GTF2H5: variants seen among roughly 807,000 people sequenced by gnomAD.
GTF2H5 encodes TFB5 ortholog.
In GTF2H5, 5 loss-of-function variants were observed where a neutral mutation model predicts 7.1. The observed-to-expected ratio is 0.71, with a 90% CI of 0.37 to 1.49. The LOEUF is 1.49. Among genes scored for constraint, GTF2H5 ranks in the 40% most tolerant of loss-of-function variants. The probability of loss-of-function intolerance (pLI) is 0.03; values close to 1 mark genes in which losing one functional copy is unlikely to be tolerated. For synonymous variants in GTF2H5, 30 were observed against 31.7 expected (o/e 0.95, Z 0.18); for missense variants, 80 against 83.0 (o/e 0.96, Z 0.14).
In GTF2H5 at chr6:158,198,083, C is replaced by T. The variant is rs570309869; in HGVS notation, c.*5926C>T. Reference sequence around the variant, plus strand: ...GTTATGAAACTGAGTTACCTTGAATCTAGAAGAGTACAATGATAAAGGGGA... The same window carrying T: ...GTTATGAAACTGAGTTACCTTGAATTTAGAAGAGTACAATGATAAAGGGGA... On this transcript the variant is annotated 3_prime_UTR_variant, in exon 3 of 3. Transcript: ENST00000607778. 7.0e-4 allele frequency: 106 copies of T among 152,292 alleles called. No individual in the cohort carries two copies. The highest frequency in any genetic ancestry group is 2.4e-3 in the African/African-American group (101 of 41,554). 9.4% of individuals were successfully genotyped at this position (152,292 alleles called of 1,614,324 possible).
chr6:158,174,324 A>G (rs1224821433), intron 2 of GTF2H5, among the ~76,000 whole-genome samples: 1 of 152,074 alleles, frequency 6.6e-6, no homozygotes, highest in African/African-American at 2.4e-5. Flanking sequence ...TTTAAACTCC[A>G]TTTCTATCAG....
rs748586546 is a variant in GTF2H5 at position 158,170,464 on chromosome 6, T to TA, written c.-34-5dup. 1 of 1,542,542 alleles carries TA rather than the reference T, an allele frequency of 6.5e-7. No homozygotes were observed. The highest frequency in any genetic ancestry group is 9.0e-7 in the Non-Finnish European group (1 of 1,114,754). On this transcript the variant is annotated splice_polypyrimidine_tract_variant and splice_region_variant and intron_variant, in intron 1 of 2. Coordinates refer to ENST00000607778, the MANE Select transcript of GTF2H5 (RefSeq NM_207118.3). ...TAATTTAATGTTACCTTACTCTTTTTATTAGCATTCTTCAGGTCATCTGAA... is the reference window on the plus strand; with the variant it reads ...TAATTTAATGTTACCTTACTCTTTTTAATTAGCATTCTTCAGGTCATCTGAA...
In GTF2H5 at chr6:158,196,080, A is replaced by C. The variant is rs966535160; in HGVS notation, c.*3923A>C. On this transcript the variant is annotated 3_prime_UTR_variant, in exon 3 of 3. Coordinates refer to ENST00000607778, the MANE Select transcript of GTF2H5 (RefSeq NM_207118.3). Reference sequence around the variant, plus strand: ...GCAAATCACAAGGTCAGGAGATCAAAACAATCCTGGCTAACAAGGTGAAAC... The same window carrying C: ...GCAAATCACAAGGTCAGGAGATCAACACAATCCTGGCTAACAAGGTGAAAC... 6.6e-6 allele frequency: 1 copy of C among 152,106 alleles called. No homozygotes were observed. Among genetic ancestry groups the C allele is most frequent in the Non-Finnish European group, 1.5e-5 (1 of 68,054 alleles). The allele number at this position is 152,106 out of a possible 1,614,324, so 9.4% of individuals were successfully genotyped here. A position where few individuals can be genotyped will look rare whatever the true frequency, so the allele number is the denominator to read the frequency against.
chr6:158,171,819 C>T (rs1424955167), intron 2 of GTF2H5, among the ~76,000 whole-genome samples: 1 of 151,988 alleles, frequency 6.6e-6, no homozygotes, highest in Non-Finnish European at 1.5e-5. Flanking sequence ...CTAGAATGTA[C>T]GTTGATGAGA....
At chr6:158,169,243 A>G (rs1045793186) in intron 1 of GTF2H5, among the ~76,000 whole-genome samples, 2 of 135,222 alleles carry the variant, frequency 1.5e-5, no homozygotes, top group Non-Finnish European at 3.1e-5. Flanking sequence ...CGAAGTGTAT[A>G]TATACATATA....
chr6:158,179,233 G>A (rs1383945657), intron 2 of GTF2H5, among the ~76,000 whole-genome samples: 1 of 152,196 alleles, frequency 6.6e-6, no homozygotes, highest in African/African-American at 2.4e-5. Flanking sequence ...GTATCATGCT[G>A]TTTTGGTTAC....
chr6:158,169,344 ATAT>A (rs1562467593), intron 1 of GTF2H5, among the ~76,000 whole-genome samples: 33 of 111,718 alleles, frequency 3.0e-4, no homozygotes, highest in African/African-American at 1.1e-3. Context: ...TATAATACGT[ATAT>A]TATATATAAT....
intron 2 of GTF2H5, among the ~76,000 whole-genome samples, chr6:158,191,314 A>G (rs754075877): frequency 4.6e-5 from 7 of 152,224 alleles, no homozygotes; most frequent in African/African-American, 7.2e-5. Context: ...CTTAGATGTA[A>G]TGGGCATAGA....
intron 2 of GTF2H5, among the ~76,000 whole-genome samples, chr6:158,173,640 G>A (rs2128429226): frequency 6.6e-6 from 1 of 152,310 alleles, no homozygotes; most frequent in East Asian, 1.9e-4. Flanking sequence ...TACAGCTGTT[G>A]CAGGTGAATA....
chr6:158,169,791 A>ATAATATATTGTATATTATATG (rs1785818893), intron 1 of GTF2H5, among the ~76,000 whole-genome samples: 1 of 113,320 alleles, frequency 8.8e-6, no homozygotes, highest in Non-Finnish European at 1.7e-5. Flanking sequence ...TATATTATAT[A>ATAATATATTGTATATTATATG]TTATATATTG....
chr6:158,175,044 G>GTGTGTGTGTGTGTGTA, intron 2 of GTF2H5, among the ~76,000 whole-genome samples: 22 of 142,850 alleles, frequency 1.5e-4, no homozygotes, highest in African/African-American at 4.3e-4. Flanking sequence ...GTGTGTGTGT[G>GTGTGTGTGTGTGTGTA]TATACACACA....
rs1562468201 is a variant in GTF2H5 at position 158,169,462 on chromosome 6, T to TCA, written c.-34-1008_-34-1007insCA. ...TTATATATATTATATATTATATATATTATATTGTATATTATATATAATATA... is the reference window on the plus strand; with the variant it reads ...TTATATATATTATATATTATATATATCATATATTGTATATTATATATAATATA... On this transcript the variant is annotated intron_variant, in intron 1 of 2. Coordinates refer to ENST00000607778, the MANE Select transcript of GTF2H5 (RefSeq NM_207118.3). Among the ~76,000 whole-genome samples, 3 of 69,880 alleles carry TCA rather than the reference T, an allele frequency of 4.3e-5. 1 individual carries two copies. The highest frequency in any genetic ancestry group is 2.7e-4 in the African/African-American group (3 of 11,318). The allele number at this position is 69,880 out of a possible 152,430, so 45.8% of individuals were successfully genotyped here.
rs997426579 is a variant in GTF2H5 at position 158,198,047 on chromosome 6, T to C, written c.*5890T>C. 3 of 152,200 alleles carry C rather than the reference T, an allele frequency of 2.0e-5. No individual in the cohort carries two copies. Among genetic ancestry groups the C allele is most frequent in the African/African-American group, 7.2e-5 (3 of 41,456 alleles). 9.4% of individuals were successfully genotyped at this position (152,200 alleles called of 1,614,324 possible). A position where few individuals can be genotyped will look rare whatever the true frequency, so the allele number is the denominator to read the frequency against. ...GAACTTTTTGAAGTCCCCTCAGATA[T>C]AAAGCAGAACGTTATGAAACTGAGT... On this transcript the variant is annotated 3_prime_UTR_variant, in exon 3 of 3. Coordinates refer to ENST00000607778, the MANE Select transcript of GTF2H5 (RefSeq NM_207118.3).
rs1777131819 is a variant in GTF2H5, at chr6:158,197,510, C to G, written c.*5353C>G. 6.6e-6 allele frequency: 1 copy of G among 151,958 alleles called. No individual in the cohort carries two copies. 9.4% of individuals were successfully genotyped at this position (151,958 alleles called of 1,614,324 possible). A position where few individuals can be genotyped will look rare whatever the true frequency, so the allele number is the denominator to read the frequency against. On this transcript the variant is annotated 3_prime_UTR_variant, in exon 3 of 3. Transcript: ENST00000607778. The stretch of plus-strand genomic sequence containing the variant: ...ATGGCTACCAAGAGGTGGAAGTGGC[C>G]CAGTCACAGCAAGAGCAGATTGATC...
rs1175469942 is a variant in GTF2H5 at position 158,195,754 on chromosome 6, C to T, written c.*3597C>T. On this transcript the variant is annotated 3_prime_UTR_variant, in exon 3 of 3. Coordinates refer to ENST00000607778, the MANE Select transcript of GTF2H5 (RefSeq NM_207118.3). ...AGGAGTAAAAGCTCTGACAAAAAGC[C>T]TCTGCTGTAACTAAAATACTGAGAT... 1 of 152,150 alleles carries T rather than the reference C, an allele frequency of 6.6e-6. No individual in the cohort carries two copies. Among genetic ancestry groups the T allele is most frequent in the African/African-American group, 2.4e-5 (1 of 41,420 alleles). The allele number at this position is 152,150 out of a possible 1,614,324, so 9.4% of individuals were successfully genotyped here. A position where few individuals can be genotyped will look rare whatever the true frequency, so the allele number is the denominator to read the frequency against.
At position 158,181,914 on chromosome 6, in the gene GTF2H5, A is replaced by C. The variant is rs538701598; in HGVS notation, c.36-10063A>C. ...TGTTATGTGTGAATTTGATCCTGTC[A>C]TTATGAGGCTAGCTGGTTATTTCGC... On this transcript the variant is annotated intron_variant, in intron 2 of 2. Coordinates refer to ENST00000607778, the MANE Select transcript of GTF2H5 (RefSeq NM_207118.3). Among the ~76,000 whole-genome samples the C allele has an allele frequency of 1.9e-3, 289 of 152,300 alleles. 1 individual carries two copies. The highest frequency in any genetic ancestry group is 3.6e-3 in the Non-Finnish European group (244 of 68,022).
At chr6:158,173,969 A>G (rs1037718673) in intron 2 of GTF2H5, among the ~76,000 whole-genome samples, 1 of 152,212 alleles carries the variant, frequency 6.6e-6, no homozygotes, top group Non-Finnish European at 1.5e-5. Context: ...AGATATTGCC[A>G]TGGCATTTGT....
At chr6:158,185,977 G>A (rs1187053688) in intron 2 of GTF2H5, among the ~76,000 whole-genome samples, 5 of 151,914 alleles carry the variant, frequency 3.3e-5, no homozygotes, top group African/African-American at 4.8e-5. Flanking sequence ...CCTGGGTGAC[G>A]GTGAGACTCT....
At chr6:158,172,639 G>A (rs1025018301) in intron 2 of GTF2H5, among the ~76,000 whole-genome samples, 10 of 151,988 alleles carry the variant, frequency 6.6e-5, no homozygotes, top group African/African-American at 2.4e-4. Context: ...TGTTCATTTT[G>A]CCAAATATCT....
Sources: allele counts gnomAD v4.1 joint callset (sites outside exome capture counted in the v4.1 genomes callset), GRCh38; gene constraint gnomAD v4.1.1; transcripts MANE v1.5; gene names NCBI Gene and HGNC (gene_info 2026-07-23, HGNC 2026-07-21).